Variants in PHF14 observed in about 807,000 individuals in gnomAD.
PHF14 encodes the protein PHD finger protein 14.
A neutral mutation model predicts 117.9 loss-of-function variants in PHF14; 55 were observed. That is an observed-to-expected ratio of 0.47 (90% CI 0.38 to 0.58). The LOEUF (loss-of-function observed/expected upper bound fraction) is 0.58, where lower values mean the gene tolerates loss of function less well. PHF14 is among the 20% of genes least tolerant of loss of function. The pLI, the probability that PHF14 is intolerant of heterozygous loss-of-function variation, is 0.00. For synonymous variants in PHF14, 409 were observed against 368.6 expected, an observed-to-expected ratio of 1.11 and a Z score of -1.26; for missense variants, 978 against 1,122.2, an observed-to-expected ratio of 0.87 and a Z score of 1.84.
chr7:11,042,788 G>A lies in PHF14; in HGVS notation c.2286G>A (p.Met762Ile), dbSNP rs1784539864. The change falls in exon 13 of 18, where the codon ATG becomes ATA. Residue 762 changes from methionine to isoleucine, a missense_variant. This residue lies in a region of PHF14 where 17 missense variants were observed against 52.9 expected (regional missense o/e 0.32). Transcript: ENST00000634607. ...GTCTGGATCCTCCTCTTACAAGGAT[G>A]CCAAGAAAGACCAAAAACAGTTATT... ...LGCLDPPLTR[M>I]PRKTKNSYWQ... 6.3e-7 allele frequency: 1 copy of A among 1,582,628 alleles called. No homozygotes were observed. The highest frequency in any genetic ancestry group is 8.6e-7 in the Non-Finnish European group (1 of 1,161,198).
chr7:10,982,343 TG>T, intron 2 of PHF14, 28 bp from the exon 3 acceptor site: 3 of 1,451,702 alleles, frequency 2.1e-6, no homozygotes, highest in Non-Finnish European at 2.8e-6. Flanking sequence ...TACATATGTG[TG>T]GTTTTTTTTT....
chr7:10,988,721 CAA>C (rs1281358924), intron 3 of PHF14, among the ~76,000 whole-genome samples: 1 of 152,002 alleles, frequency 6.6e-6, no homozygotes, highest in African/African-American at 2.4e-5. Context: ...ACCACCTTAA[CAA>C]GAGATACAGC....
At chr7:11,000,886 A>G (rs1355736017) in intron 4 of PHF14, among the ~76,000 whole-genome samples, 1 of 151,898 alleles carries the variant, frequency 6.6e-6, no homozygotes, top group South Asian at 2.1e-4. Flanking sequence ...CTTATAAATT[A>G]TTTCTCTTGT....
At chr7:11,085,515 T>C (rs1003701114) in intron 16 of PHF14, among the ~76,000 whole-genome samples, 2 of 152,364 alleles carry the variant, frequency 1.3e-5, no homozygotes, top group Middle Eastern at 3.4e-3. Flanking sequence ...TAGATGTCAG[T>C]GGTGAACAAT....
At chr7:11,105,512 A>G (rs1787227237) in intron 16 of PHF14, 3 of 980,090 alleles carry the variant, frequency 3.1e-6, no homozygotes, top group East Asian at 2.3e-4. Flanking sequence ...AGAGCAGAAT[A>G]TTTACATCAT....
chr7:11,061,845 G>T lies in PHF14; in HGVS notation c.2532+4G>T. The T allele has an allele frequency of 6.5e-7, 1 of 1,528,622 alleles. No homozygotes were observed. Among genetic ancestry groups the T allele is most frequent in the South Asian group, 1.3e-5 (1 of 78,408 alleles). 94.7% of individuals were successfully genotyped at this position (1,528,622 alleles called of 1,614,324 possible). A position where few individuals can be genotyped will look rare whatever the true frequency, so the allele number is the denominator to read the frequency against. ...TCCTGAGGAAGAAAAACATGAGGTTGGAATAAGTTAAGCACTTTTACACAG... is the reference window on the plus strand; with the variant it reads ...TCCTGAGGAAGAAAAACATGAGGTTTGAATAAGTTAAGCACTTTTACACAG... On this transcript the variant is annotated splice_donor_region_variant and intron_variant, in intron 15 of 17. Coordinates refer to ENST00000634607, the MANE Select transcript of PHF14 (RefSeq NM_001007157.2).
At chr7:11,158,993 T>C (rs1788938788) in intron 17 of PHF14, among the ~76,000 whole-genome samples, 1 of 152,252 alleles carries the variant, frequency 6.6e-6, no homozygotes, top group South Asian at 2.1e-4. Context: ...GTTTAAACTA[T>C]TTACAGTTTA....
At chr7:11,042,511 C>T (rs1784533347) in intron 12 of PHF14, among the ~76,000 whole-genome samples, 172 bp from the exon 13 acceptor site, 1 of 151,846 alleles carries the variant, frequency 6.6e-6, no homozygotes, top group South Asian at 2.1e-4. Context: ...TTAGAACTAA[C>T]AGTTACTGAC....
chr7:11,026,124 AAAAG>A (rs1237164506), intron 6 of PHF14, among the ~76,000 whole-genome samples: 1 of 151,618 alleles, frequency 6.6e-6, no homozygotes, highest in African/African-American at 2.4e-5. Flanking sequence ...AAAAAAAAAA[AAAAG>A]AGAGAGAAAT....
intron 13 of PHF14, among the ~76,000 whole-genome samples, chr7:11,049,206 C>G (rs966964445): frequency 7.9e-5 from 12 of 152,118 alleles, no homozygotes; most frequent in Non-Finnish European, 1.3e-4. Flanking sequence ...GGCGCGGTGG[C>G]TCACACCTGT....
chr7:11,061,273 T>G (rs1785213660), intron 14 of PHF14: 1 of 152,220 alleles, frequency 6.6e-6, no homozygotes, highest in African/African-American at 2.4e-5. Context: ...TTAATTAGTT[T>G]TATGTTAACT....
intron 16 of PHF14, among the ~76,000 whole-genome samples, chr7:11,086,272 A>G (rs1786406232): frequency 6.6e-6 from 1 of 152,190 alleles, no homozygotes; most frequent in Non-Finnish European, 1.5e-5. Context: ...AGCATGGCTT[A>G]TAAGGCCCTC....
intron 13 of PHF14, 59 bp from the exon 14 acceptor site, chr7:11,051,553 A>G: frequency 7.3e-7 from 1 of 1,369,064 alleles, no homozygotes; most frequent in East Asian, 2.5e-5. Context: ...TATAAAAACT[A>G]TAGCTAAAGC....
chr7:11,023,153 ATTC>A (rs1203512949), intron 6 of PHF14, among the ~76,000 whole-genome samples, 174 bp downstream of exon 6: 1 of 152,184 alleles, frequency 6.6e-6, no homozygotes, highest in Non-Finnish European at 1.5e-5. Flanking sequence ...TAATGCATAA[ATTC>A]TTCTATACAT....
At position 10,982,972 on chromosome 7, in the gene PHF14, A is replaced by G. The variant is rs374621276; in HGVS notation, c.713A>G (p.Asp238Gly). The G allele has an allele frequency of 2.5e-6, 4 of 1,589,346 alleles. No individual in the cohort carries two copies. The highest frequency in any genetic ancestry group is 2.6e-6 in the Non-Finnish European group (3 of 1,167,738). The change falls in exon 3 of 18, where the codon GAT becomes GGT. Residue 238 changes from aspartate to glycine, a missense_variant. By Grantham distance (94) the Asp-to-Gly change is moderately conservative (BLOSUM62 -1). Transcript: ENST00000634607. Reference sequence around the variant, plus strand: ...GAGGGAAGTGATGGAGACAATGAGGATGATGAAGATGAGGGAAGCGGGAGT... The same window carrying G: ...GAGGGAAGTGATGGAGACAATGAGGGTGATGAAGATGAGGGAAGCGGGAGT... ...QKEGSDGDNE[D>G]DEDEGSGSDE...
At chr7:11,149,666 GATAA>G (rs1313126666) in intron 17 of PHF14, among the ~76,000 whole-genome samples, 5 of 152,058 alleles carry the variant, frequency 3.3e-5, no homozygotes, top group African/African-American at 9.7e-5. Flanking sequence ...AATTTAGGGA[GATAA>G]ATAAAAGAAT....
intron 17 of PHF14, among the ~76,000 whole-genome samples, chr7:11,150,118 G>T (rs1201811227): frequency 6.6e-6 from 1 of 151,952 alleles, no homozygotes; most frequent in Non-Finnish European, 1.5e-5. Flanking sequence ...GAAATATTGA[G>T]GTATAACAAT....
At chr7:11,008,632 C>T (rs1783216649) in intron 4 of PHF14, among the ~76,000 whole-genome samples, 1 of 152,156 alleles carries the variant, frequency 6.6e-6, no homozygotes, top group Admixed American at 6.5e-5. Flanking sequence ...TTCCACGAAA[C>T]CAGCCCCTGG....
intron 6 of PHF14, among the ~76,000 whole-genome samples, chr7:11,027,640 G>T (rs1459140947): frequency 6.6e-6 from 1 of 152,034 alleles, no homozygotes; most frequent in Non-Finnish European, 1.5e-5. Flanking sequence ...CAGAAAGAAT[G>T]TACATAATTG....
Sources: gnomAD v4.1 joint callset for allele counts (sites outside exome capture counted in the v4.1 genomes callset) on GRCh38, gnomAD v4.1.1 for gene constraint, gnomAD v4.1.1 regional missense constraint, MANE v1.5 for transcripts, NCBI Gene and HGNC (gene_info 2026-07-23, HGNC 2026-07-21) for gene names.